MEGF6: variants seen among roughly 807,000 people sequenced by gnomAD.
MEGF6 encodes multiple epidermal growth factor-like domains protein 6.
MEGF6 carries 184 observed loss-of-function variants against 207.1 expected under a neutral mutation model. The ratio of observed to expected loss-of-function variants is 0.89; its 90% confidence interval spans 0.79 to 1.00. MEGF6 has a LOEUF of 1.00. Ranked by LOEUF, MEGF6 falls within the 50% of genes least tolerant of loss-of-function variation. MEGF6 has a pLI of 0.00. For synonymous variants in MEGF6, 1,038 were observed against 910.0 expected (o/e 1.14, Z -2.53); for missense variants, 2,282 against 2,202.9 (o/e 1.04, Z -0.72).
intron 30 of MEGF6, 98 bp downstream of exon 30, chr1:3,495,792 G>A: frequency 7.0e-7 from 1 of 1,437,602 alleles, no homozygotes; most frequent in Non-Finnish European, 9.3e-7. Flanking sequence ...GGATGTGCGG[G>A]TGTCTGGGCT....
intron 1 of MEGF6, among the ~76,000 whole-genome samples, chr1:3,610,925 G>C (rs1379979516): frequency 1.3e-5 from 2 of 152,208 alleles, no homozygotes; most frequent in African/African-American, 2.4e-5. Context: ...AGTGGGAGGG[G>C]GGGAGGGGAC....
chr1:3,519,096 C>T (rs931277301), intron 5 of MEGF6, among the ~76,000 whole-genome samples: 3 of 152,218 alleles, frequency 2.0e-5, no homozygotes, highest in African/African-American at 4.8e-5. Context: ...GGGAGGGAAA[C>T]GCCCGCCACC....
intron 3 of MEGF6, among the ~76,000 whole-genome samples, chr1:3,590,255 G>A (rs1449325226): frequency 3.9e-5 from 6 of 152,220 alleles, no homozygotes; most frequent in Non-Finnish European, 8.8e-5. Context: ...CGGGGAGCCC[G>A]GCTTGGAGGA....
chr1:3,593,387 G>A (rs900625359), intron 3 of MEGF6, among the ~76,000 whole-genome samples: 2 of 152,158 alleles, frequency 1.3e-5, no homozygotes, highest in East Asian at 1.9e-4. Context: ...ACGCGGCTGC[G>A]CACACCTCTA....
chr1:3,573,255 A>G lies in MEGF6; in HGVS notation c.481+6570T>C, dbSNP rs2794349. 0.39 allele frequency among the ~76,000 whole-genome samples: 58,538 copies of G among 151,362 alleles called. 14,076 individuals are homozygous for G. The highest frequency in any genetic ancestry group is 0.69 in the African/African-American group (28,343 of 41,324). Reference sequence around the variant, plus strand: ...TCCCCCAGGTTTGCTGGGTCCTCCCAGGTGTGCTGGGTCCCCCCGCCAGGT... The same window carrying G: ...TCCCCCAGGTTTGCTGGGTCCTCCCGGGTGTGCTGGGTCCCCCCGCCAGGT... On this transcript the variant is annotated intron_variant, in intron 4 of 36. Coordinates refer to ENST00000356575, the MANE Select transcript of MEGF6 (RefSeq NM_001409.4). This position sits in a 1 kb window ranked among gnomAD's most constrained non-coding sequence, Gnocchi z 5.1.
chr1:3,519,415 G>A (rs1641660473), intron 5 of MEGF6, among the ~76,000 whole-genome samples: 1 of 152,254 alleles, frequency 6.6e-6, no homozygotes, highest in African/African-American at 2.4e-5. Flanking sequence ...ACTCCCAGGT[G>A]GGAGCTGCAC....
At chr1:3,508,088 G>A (rs1444720295) in intron 13 of MEGF6, among the ~76,000 whole-genome samples, 165 bp from the exon 14 acceptor site, 3 of 152,094 alleles carry the variant, frequency 2.0e-5, no homozygotes, top group Admixed American at 2.0e-4. Flanking sequence ...ATCACTAATT[G>A]ATCACTGACT....
intron 4 of MEGF6, among the ~76,000 whole-genome samples, chr1:3,564,169 G>C (rs149019651): frequency 6.6e-6 from 1 of 150,706 alleles, no homozygotes. Context: ...GGGTCAGGGT[G>C]GGGGAGCTGA....
intron 4 of MEGF6, among the ~76,000 whole-genome samples, chr1:3,526,398 A>ATTTTT (rs57377827): frequency 7.6e-6 from 1 of 130,922 alleles, no homozygotes; most frequent in Admixed American, 7.6e-5. Context: ...GGTGACACCT[A>ATTTTT]TTTTTTTTTT....
intron 9 of MEGF6, 57 bp from the exon 10 acceptor site, chr1:3,510,959 C>T (rs1255397592): frequency 7.2e-7 from 1 of 1,385,648 alleles, no homozygotes; most frequent in Non-Finnish European, 9.9e-7. Flanking sequence ...TGCACACGCC[C>T]CCACCCACAC....
chr1:3,562,879 G>A (rs927914898), intron 4 of MEGF6, among the ~76,000 whole-genome samples: 3 of 152,140 alleles, frequency 2.0e-5, no homozygotes, highest in Non-Finnish European at 4.4e-5. Context: ...TGGTGACAGT[G>A]GAGGTGAGGA....
At position 3,602,545 on chromosome 1, in the gene MEGF6, C is replaced by G. The variant is rs751129997; in HGVS notation, c.187G>C (p.Val63Leu). The change falls in exon 2 of 37, where the codon GTG becomes CTG. Residue 63 changes from valine (V) to leucine (L), a missense_variant. By Grantham distance (32) the Val-to-Leu change is conservative (BLOSUM62 1). Transcript: ENST00000356575. The stretch of plus-strand genomic sequence containing the variant: ...GGCACCGTGTGGCTTAAGGCCTGCA[C>G]GCACGGCTGGCGGCGGCCCACCAGG... ...LTLVGRRQPC[V>L]QALSHTVPVW... 1 of 1,612,884 alleles carries G rather than the reference C, an allele frequency of 6.2e-7. No individual in the cohort carries two copies. Among genetic ancestry groups the G allele is most frequent in the Non-Finnish European group, 8.5e-7 (1 of 1,179,766 alleles).
In MEGF6 at chr1:3,579,964, A is replaced by C. The variant is rs763802511; in HGVS notation, c.377-35T>G. The C allele has an allele frequency of 3.5e-6, 5 of 1,446,138 alleles. No individual in the cohort carries two copies. The East Asian group carries it at 1.4e-4, about 40-fold the overall frequency. 89.6% of individuals were successfully genotyped at this position (1,446,138 alleles called of 1,614,324 possible). A position where few individuals can be genotyped will look rare whatever the true frequency, so the allele number is the denominator to read the frequency against. Reference sequence around the variant, plus strand: ...GAAGGAGAAAATCGGTGAGAGGGGCAAGGAGGGGTGAGGCAGGGGGAGGTG... The same window carrying C: ...GAAGGAGAAAATCGGTGAGAGGGGCCAGGAGGGGTGAGGCAGGGGGAGGTG... On this transcript the variant is annotated intron_variant, in intron 3 of 36. Transcript: ENST00000356575.
At chr1:3,584,799 C>T (rs1570194820) in intron 3 of MEGF6, among the ~76,000 whole-genome samples, 1 of 152,378 alleles carries the variant, frequency 6.6e-6, no homozygotes, top group African/African-American at 2.4e-5. Context: ...TCTCTGCCCG[C>T]AAGCACCGGG....
intron 4 of MEGF6, among the ~76,000 whole-genome samples, chr1:3,547,420 C>T (rs2101564986): frequency 6.6e-6 from 1 of 152,306 alleles, no homozygotes; most frequent in South Asian, 2.1e-4. Context: ...GGAGGTGGCC[C>T]TGCTCCCGTA....
chr1:3,615,794 C>T (rs1402604025), upstream of MEGF6, among the ~76,000 whole-genome samples: 3 of 152,210 alleles, frequency 2.0e-5, no homozygotes, highest in Non-Finnish European at 4.4e-5. Flanking sequence ...CTTCTCCCCT[C>T]TTTATCCCAC....
chr1:3,497,687 A>G, intron 26 of MEGF6: 2 of 494,224 alleles, frequency 4.0e-6, no homozygotes, highest in Admixed American at 5.7e-5. Flanking sequence ...TGGAAGGCGA[A>G]GGAGCCGGGA....
chr1:3,595,266 C>T (rs764450833), intron 3 of MEGF6, 72 bp downstream of exon 3: 30 of 1,066,550 alleles, frequency 2.8e-5, no homozygotes, highest in Non-Finnish European at 4.1e-5. Context: ...AGGCCCGGGG[C>T]AGATTCATGG....
intron 5 of MEGF6, among the ~76,000 whole-genome samples, chr1:3,519,402 G>C (rs774469318): frequency 6.6e-6 from 1 of 152,236 alleles, no homozygotes; most frequent in Non-Finnish European, 1.5e-5. Flanking sequence ...GGCCAACAGG[G>C]GCACTCCCAG....
Sources: allele counts gnomAD v4.1 joint callset (sites outside exome capture counted in the v4.1 genomes callset), GRCh38; gene constraint gnomAD v4.1.1; non-coding constraint Gnocchi (gnomAD v3.1); transcripts MANE v1.5; gene names NCBI Gene and HGNC (gene_info 2026-07-23, HGNC 2026-07-21).